Variants in PLGRKT observed in about 807,000 individuals in gnomAD.
PLGRKT encodes the protein plasminogen receptor with a C-terminal lysine, also known as plasminogen receptor (KT).
A neutral mutation model predicts 18.5 loss-of-function variants in PLGRKT; 22 were observed. The observed-to-expected ratio is 1.19, with a 90% CI of 0.85 to 1.70. The LOEUF (loss-of-function observed/expected upper bound fraction) is 1.70. Ranked by LOEUF, PLGRKT falls within the 40% of genes most tolerant of loss-of-function variation. The pLI is 0.00. For synonymous variants in PLGRKT, 72 were observed against 52.8 expected (o/e 1.36, Z -1.58); for missense variants, 235 against 174.4 (o/e 1.35, Z -1.96).
At position 5,387,885 on chromosome 9, in the gene PLGRKT, G is replaced by C. The variant is rs146918842; in HGVS notation, c.82-25997C>G. 5.5e-4 allele frequency among the ~76,000 whole-genome samples: 84 copies of C among 151,946 alleles called. 3 individuals are homozygous for C. Among genetic ancestry groups the C allele is most frequent in the African/African-American group, 1.9e-3 (78 of 41,236 alleles). ...TAGCACTAATCCAGGCAACAAACAG[G>C]GGTCTGGGGTAGAGTGACACCAGTG... On this transcript the variant is annotated intron_variant, in intron 3 of 5. Coordinates refer to ENST00000223864, the MANE Select transcript of PLGRKT (RefSeq NM_018465.4).
intron 3 of PLGRKT, among the ~76,000 whole-genome samples, chr9:5,407,558 G>GT (rs1044648094): frequency 8.6e-5 from 13 of 151,814 alleles, no homozygotes; most frequent in African/African-American, 3.1e-4. Flanking sequence ...AAATAAATTA[G>GT]TATTACAATA....
chr9:5,396,283 T>C (rs943570751), intron 3 of PLGRKT, among the ~76,000 whole-genome samples: 1 of 151,670 alleles, frequency 6.6e-6, no homozygotes, highest in Non-Finnish European at 1.5e-5. Context: ...AAATGATTTA[T>C]TTTTTATTTT....
chr9:5,417,999 T>C (rs546982159), intron 3 of PLGRKT, among the ~76,000 whole-genome samples: 11 of 152,248 alleles, frequency 7.2e-5, no homozygotes, highest in Non-Finnish European at 1.2e-4. Flanking sequence ...TTTGTTTTAA[T>C]CTAACGGATT....
chr9:5,412,271 C>T (rs1431894858), intron 3 of PLGRKT, among the ~76,000 whole-genome samples: 1 of 152,124 alleles, frequency 6.6e-6, no homozygotes, highest in Non-Finnish European at 1.5e-5. Flanking sequence ...AAACTAGATC[C>T]CTATCTCATA....
intron 2 of PLGRKT, among the ~76,000 whole-genome samples, chr9:5,436,257 G>A (rs1209228630): frequency 2.6e-5 from 4 of 152,230 alleles, no homozygotes; most frequent in Non-Finnish European, 5.9e-5. Flanking sequence ...TCTCCATGGT[G>A]TCTACTTCCC....
chr9:5,436,762 T>C (rs1437136612), intron 1 of PLGRKT, 68 bp from the exon 2 acceptor site: 1 of 152,226 alleles, frequency 6.6e-6, no homozygotes, highest in Non-Finnish European at 1.5e-5. Context: ...CAACATTCTT[T>C]CCTTTCCCAA....
At chr9:5,398,811 G>C (rs1251562554) in intron 3 of PLGRKT, among the ~76,000 whole-genome samples, 3 of 151,220 alleles carry the variant, frequency 2.0e-5, no homozygotes, top group Non-Finnish European at 4.4e-5. Context: ...TAGTGATGGG[G>C]TCAGAACAAG....
intron 3 of PLGRKT, among the ~76,000 whole-genome samples, chr9:5,366,125 C>T (rs1278638374): frequency 6.6e-6 from 1 of 152,112 alleles, no homozygotes; most frequent in Admixed American, 6.6e-5. Flanking sequence ...TATCTGCACA[C>T]ATCTTAAAAA....
intron 3 of PLGRKT, among the ~76,000 whole-genome samples, chr9:5,384,182 G>C (rs934149224): frequency 6.6e-6 from 1 of 152,186 alleles, no homozygotes; most frequent in Non-Finnish European, 1.5e-5. Context: ...GCCATTGTTG[G>C]GGGAGATCCC....
At chr9:5,369,187 A>C (rs139933393) in intron 3 of PLGRKT, among the ~76,000 whole-genome samples, 1 of 152,230 alleles carries the variant, frequency 6.6e-6, no homozygotes, top group Admixed American at 6.5e-5. Flanking sequence ...AGAATGGGAG[A>C]AAATTTTTGC....
At chr9:5,384,243 G>A (rs1817800109) in intron 3 of PLGRKT, among the ~76,000 whole-genome samples, 1 of 152,236 alleles carries the variant, frequency 6.6e-6, no homozygotes, top group Non-Finnish European at 1.5e-5. Flanking sequence ...AAGTATGTGA[G>A]CCACTGGGAA....
chr9:5,413,689 G>C (rs1049033721), intron 3 of PLGRKT, among the ~76,000 whole-genome samples: 1 of 152,156 alleles, frequency 6.6e-6, no homozygotes, highest in Non-Finnish European at 1.5e-5. Context: ...TATCCATTGA[G>C]AACCATTTCA....
chr9:5,365,451 T>A (rs779187951), intron 3 of PLGRKT, among the ~76,000 whole-genome samples: 2 of 152,234 alleles, frequency 1.3e-5, no homozygotes, highest in Admixed American at 6.5e-5. Context: ...CTCATTTATA[T>A]ACATACTCCT....
chr9:5,434,343 G>T (rs1300740375), intron 2 of PLGRKT, among the ~76,000 whole-genome samples: 2 of 145,394 alleles, frequency 1.4e-5, no homozygotes, highest in Non-Finnish European at 3.0e-5. Context: ...CCCCGTCTGG[G>T]AGGTGAGGAG....
intron 1 of PLGRKT, among the ~76,000 whole-genome samples, chr9:5,437,349 C>T (rs1192977733): frequency 6.6e-6 from 1 of 152,214 alleles, no homozygotes; most frequent in Non-Finnish European, 1.5e-5. Context: ...GACTGATCGT[C>T]TCACCACAGT....
chr9:5,435,498 G>C (rs1038304066), intron 2 of PLGRKT, among the ~76,000 whole-genome samples: 7 of 152,076 alleles, frequency 4.6e-5, no homozygotes, highest in Non-Finnish European at 1.0e-4. Context: ...CTCCAAGATA[G>C]CATGTACTAA....
chr9:5,433,639 G>T (rs1198030794), intron 2 of PLGRKT, among the ~76,000 whole-genome samples: 55 of 74,886 alleles, frequency 7.3e-4, no homozygotes, highest in Admixed American at 1.6e-3. Flanking sequence ...GGAGCGCCTT[G>T]GCCCGGCCGC....
chr9:5,400,152 T>A (rs546207289), intron 3 of PLGRKT, among the ~76,000 whole-genome samples: 11 of 151,914 alleles, frequency 7.2e-5, no homozygotes, highest in Admixed American at 7.2e-4. Context: ...CAGCTGAAGT[T>A]CTCCTTGTGT....
chr9:5,378,652 A>G (rs79766584), intron 3 of PLGRKT, among the ~76,000 whole-genome samples: 1 of 152,378 alleles, frequency 6.6e-6, no homozygotes, highest in East Asian at 1.9e-4. Flanking sequence ...TTTAACATTG[A>G]TAAAAGGCAT....
Sources: gnomAD v4.1 joint callset for allele counts (sites outside exome capture counted in the v4.1 genomes callset) on GRCh38, gnomAD v4.1.1 for gene constraint, MANE v1.5 for transcripts, NCBI Gene and HGNC (gene_info 2026-07-23, HGNC 2026-07-21) for gene names.